The following ZNF385B variants were observed in gnomAD, a reference collection of about 807,000 sequenced individuals.
ZNF385B encodes zinc finger protein 533.
A neutral mutation model predicts 39.2 loss-of-function variants in ZNF385B; 23 were observed. The observed-to-expected ratio is 0.59, with a 90% confidence interval of 0.42 to 0.83. The LOEUF is 0.83. ZNF385B is among the 40% of genes least tolerant of loss of function. ZNF385B has a pLI of 0.00. For missense variants in ZNF385B, 552 were observed against 598.9 expected (o/e 0.92, Z 0.82); for synonymous variants, 205 against 222.6 (o/e 0.92, Z 0.70).
Position 179,769,562 on chromosome 2 carries a change from A to G in ZNF385B, c.239T>C (p.Leu80Pro). 6.2e-7 allele frequency: 1 copy of G among 1,614,196 alleles called. No homozygotes were observed. The highest frequency in any genetic ancestry group is 8.5e-7 in the Non-Finnish European group (1 of 1,180,026). Residue 80 changes from leucine to proline, a missense_variant, in exon 3 of 10, where the codon CTG (leucine) becomes CCG (proline). Transcript: ENST00000410066. ...GKSHRKRVKQ[L>P]SDGQPPPPAQ... ...GGGTGGTGGGGGCTGCCCATCACTC[A>G]GCTGCTTCACTCGTTTGCGGTGGGA...
At chr2:179,584,528 C>A (rs1374947025) in intron 3 of ZNF385B, among the ~76,000 whole-genome samples, 1 of 152,070 alleles carries the variant, frequency 6.6e-6, no homozygotes. Flanking sequence ...ATATGTGTAT[C>A]AGGAAGGCCT....
chr2:179,836,015 G>A (rs1480729625), intron 1 of ZNF385B, among the ~76,000 whole-genome samples: 1 of 152,152 alleles, frequency 6.6e-6, no homozygotes, highest in Non-Finnish European at 1.5e-5. Context: ...ATTCTATTTA[G>A]CCTTAAAAAA....
chr2:179,681,328 G>A lies in ZNF385B; in HGVS notation c.298+88175C>T, dbSNP rs182673130. Among the ~76,000 whole-genome samples, 69 of 151,960 alleles carry A rather than the reference G, an allele frequency of 4.5e-4. 1 individual carries two copies. Among genetic ancestry groups the A allele is most frequent in the Non-Finnish European group, 7.2e-4 (49 of 67,958 alleles). ...TTACAGGTAGGATTCTGTTTTGGAC[G>A]CTCTTTTAAAGCTGAATCATGGTAG... On this transcript the variant is annotated intron_variant, in intron 3 of 9. Transcript: ENST00000410066.
intron 1 of ZNF385B, among the ~76,000 whole-genome samples, chr2:179,793,415 C>A (rs1002636433): frequency 1.3e-5 from 2 of 152,164 alleles, no homozygotes; most frequent in African/African-American, 4.8e-5. Flanking sequence ...GAATTGTAAT[C>A]CCCAGGTGGT....
chr2:179,553,472 G>A (rs2060708497), intron 3 of ZNF385B, among the ~76,000 whole-genome samples: 1 of 148,792 alleles, frequency 6.7e-6, no homozygotes, highest in Non-Finnish European at 1.5e-5. Context: ...TTTACTGCAT[G>A]CCAGGTAACG....
At chr2:179,801,266 T>C (rs1003699079) in intron 1 of ZNF385B, among the ~76,000 whole-genome samples, 1 of 152,104 alleles carries the variant, frequency 6.6e-6, no homozygotes, top group Non-Finnish European at 1.5e-5. Flanking sequence ...AGTGATTATA[T>C]GAACCATAAT....
At chr2:179,735,892 G>C (rs1302771819) in intron 3 of ZNF385B, among the ~76,000 whole-genome samples, 1 of 115,522 alleles carries the variant, frequency 8.7e-6, no homozygotes, top group African/African-American at 3.3e-5. Context: ...TGGGGTGGGG[G>C]GAGGGGGGAG....
At chr2:179,605,244 T>C (rs1408261302) in intron 3 of ZNF385B, among the ~76,000 whole-genome samples, 1 of 152,168 alleles carries the variant, frequency 6.6e-6, no homozygotes, top group East Asian at 1.9e-4. Flanking sequence ...AAACATGATT[T>C]TTTTTTCAGT....
At chr2:179,647,101 T>A (rs575043920) in intron 3 of ZNF385B, among the ~76,000 whole-genome samples, 1 of 152,152 alleles carries the variant, frequency 6.6e-6, no homozygotes, top group East Asian at 1.9e-4. Context: ...TATATGTGAA[T>A]AGAACACCCA....
chr2:179,699,074 T>C (rs973257420), intron 3 of ZNF385B, among the ~76,000 whole-genome samples: 5 of 151,376 alleles, frequency 3.3e-5, no homozygotes, highest in African/African-American at 7.3e-5. Context: ...GTTATAAATA[T>C]GCTGGAAAGC....
chr2:179,783,239 C>T (rs1704778361), intron 1 of ZNF385B, among the ~76,000 whole-genome samples: 1 of 152,108 alleles, frequency 6.6e-6, no homozygotes, highest in Admixed American at 6.5e-5. Context: ...GGAGTAGAGT[C>T]CCTATTCGAT....
chr2:179,523,911 T>C (rs2058684532), intron 4 of ZNF385B, among the ~76,000 whole-genome samples: 1 of 152,156 alleles, frequency 6.6e-6, no homozygotes, highest in Non-Finnish European at 1.5e-5. Context: ...GCCTCCCAAG[T>C]AGCTAGGACT....
Position 179,811,057 on chromosome 2 carries a change from A to G in ZNF385B, c.-154-40385T>C, listed in dbSNP as rs188709769. ...AATCAAGAATGCAATCTCATTTACA[A>G]TAGCCACACACACAAAAATAAAATA... On this transcript the variant is annotated intron_variant, in intron 1 of 9. Coordinates refer to ENST00000410066, the MANE Select transcript of ZNF385B (RefSeq NM_152520.6). 1.1e-4 allele frequency among the ~76,000 whole-genome samples: 17 copies of G among 152,266 alleles called. No individual in the cohort carries two copies. In the East Asian group the frequency reaches 3.3e-3, roughly 29 times the overall value.
intron 5 of ZNF385B, among the ~76,000 whole-genome samples, chr2:179,483,999 A>G (rs1368440168): frequency 6.6e-6 from 1 of 152,218 alleles, no homozygotes; most frequent in Non-Finnish European, 1.5e-5. Context: ...TTCCAGTTAC[A>G]AGAACAGATA....
At chr2:179,761,391 T>C (rs1703376012) in intron 3 of ZNF385B, among the ~76,000 whole-genome samples, 1 of 152,214 alleles carries the variant, frequency 6.6e-6, no homozygotes, top group Non-Finnish European at 1.5e-5. Context: ...ACACGTGGTA[T>C]GTCTCTCCAT....
At chr2:179,545,355 A>G (rs2060166355) in intron 3 of ZNF385B, among the ~76,000 whole-genome samples, 2 of 152,244 alleles carry the variant, frequency 1.3e-5, no homozygotes, top group African/African-American at 4.8e-5. Context: ...TTTGCTATTA[A>G]GAATTACTGA....
intron 5 of ZNF385B, among the ~76,000 whole-genome samples, chr2:179,509,663 T>C (rs184963754): frequency 6.6e-6 from 1 of 152,206 alleles, no homozygotes; most frequent in Non-Finnish European, 1.5e-5. Context: ...TGTAAAATGT[T>C]TGACAAAAGC....
chr2:179,699,859 CTT>C (rs1469336895), intron 3 of ZNF385B, among the ~76,000 whole-genome samples: 3 of 152,178 alleles, frequency 2.0e-5, no homozygotes, highest in African/African-American at 7.2e-5. Flanking sequence ...TAAAAACTAA[CTT>C]AAGAAATAAA....
intron 1 of ZNF385B, among the ~76,000 whole-genome samples, chr2:179,773,041 T>C (rs1022888731): frequency 9.2e-5 from 14 of 152,228 alleles, no homozygotes; most frequent in Non-Finnish European, 1.9e-4. Context: ...GAATTCAAAC[T>C]GGACAGTCAG....
Sources: allele counts gnomAD v4.1 joint callset (sites outside exome capture counted in the v4.1 genomes callset), GRCh38; gene constraint gnomAD v4.1.1; transcripts MANE v1.5; gene names NCBI Gene and HGNC (gene_info 2026-07-23, HGNC 2026-07-21).